Variants in RACGAP1 observed in about 807,000 individuals in gnomAD.
RACGAP1 encodes the protein Rac GTPase activating protein 1, also known as rac GTPase-activating protein 1.
Under a neutral mutation model 78.1 loss-of-function variants are expected in RACGAP1, and 30 were observed. The observed-to-expected ratio is 0.38, with a 90% confidence interval of 0.29 to 0.52. The LOEUF (loss-of-function observed/expected upper bound fraction) is 0.52. RACGAP1 is among the 20% of genes least tolerant of loss of function. RACGAP1 has a pLI of 0.82. For missense variants in RACGAP1, 587 were observed against 777.1 expected (o/e 0.76, Z 2.91); for synonymous variants, 231 against 264.8 (o/e 0.87, Z 1.24).
At chr12:50,031,666 G>A in intron 2 of RACGAP1, 1 of 984,904 alleles carries the variant, frequency 1.0e-6, no homozygotes, top group Non-Finnish European at 1.2e-6. Flanking sequence ...CGAACTTCCA[G>A]TGCCTCTTCA....
chr12:50,000,197 T>C (rs1477155760), intron 7 of RACGAP1, among the ~76,000 whole-genome samples: 1 of 151,848 alleles, frequency 6.6e-6, no homozygotes, highest in Admixed American at 6.6e-5. Flanking sequence ...GTATTTTTAG[T>C]AGAGATGGGG....
At chr12:50,030,115 T>C (rs1950318589), upstream of RACGAP1, among the ~76,000 whole-genome samples, 1 of 152,028 alleles carries the variant, frequency 6.6e-6, no homozygotes, top group African/African-American at 2.4e-5. Context: ...TACAAAAAAC[T>C]GAAAAATTAG....
chr12:50,011,231 G>A (rs948825558), intron 2 of RACGAP1, among the ~76,000 whole-genome samples: 3 of 151,882 alleles, frequency 2.0e-5, no homozygotes, highest in Non-Finnish European at 2.9e-5. Flanking sequence ...CTACTTGGGA[G>A]GCTGAGGCAG....
At chr12:49,992,858 C>A (rs1032377064) in intron 12 of RACGAP1, among the ~76,000 whole-genome samples, 2 of 152,174 alleles carry the variant, frequency 1.3e-5, no homozygotes, top group African/African-American at 4.8e-5. Flanking sequence ...TTTAAAAAAT[C>A]GGCCTTTGCA....
intron 9 of RACGAP1, 90 bp downstream of exon 9, chr12:49,999,051 T>C: frequency 7.1e-7 from 1 of 1,401,174 alleles, no homozygotes; most frequent in Non-Finnish European, 9.4e-7. Context: ...GACATTTAAC[T>C]TTATAACACT....
At chr12:50,032,152 AAATAATAAT>A in intron 1 of RACGAP1, among the ~76,000 whole-genome samples, 2 of 151,296 alleles carry the variant, frequency 1.3e-5, no homozygotes, top group East Asian at 1.9e-4. Context: ...TCTCAAAAAT[AAATAATAAT>A]AATAATAATA....
At chr12:49,997,778 A>G (rs968760985) in intron 9 of RACGAP1, among the ~76,000 whole-genome samples, 1 of 150,660 alleles carries the variant, frequency 6.6e-6, no homozygotes, top group African/African-American at 2.4e-5. Flanking sequence ...GGGTTTCTCC[A>G]TGTTGGTCAG....
chr12:49,999,722 G>A lies in RACGAP1; in HGVS notation c.642C>T (p.Ser214=), dbSNP rs1274397089. Residue 214 remains serine, a synonymous_variant, in exon 8 of 17, where the codon TCC becomes TCT. Coordinates refer to ENST00000312377, the MANE Select transcript of RACGAP1 (RefSeq NM_001319999.2). ...IGSAVDQGNE[S]IVAKTTVTVP... ...CAGTCACTGTAGTTTTTGCAACTAT[G>A]GATTCATTCCCCTGCAACAAAAGTA... 6.2e-7 allele frequency: 1 copy of A among 1,612,608 alleles called. No individual in the cohort carries two copies. Among genetic ancestry groups the A allele is most frequent in the Admixed American group, 1.7e-5 (1 of 60,014 alleles).
intron 1 of RACGAP1, among the ~76,000 whole-genome samples, chr12:50,024,012 T>G (rs1324812464): frequency 1.3e-5 from 2 of 151,756 alleles, no homozygotes; most frequent in Non-Finnish European, 2.9e-5. Flanking sequence ...ATACAAAAAA[T>G]TAGCCGGGCG....
chr12:50,010,714 T>C (rs557141624), intron 2 of RACGAP1, among the ~76,000 whole-genome samples: 5 of 151,222 alleles, frequency 3.3e-5, no homozygotes, highest in Admixed American at 3.3e-4. Context: ...AGGTGGATCA[T>C]CTGAGGTCGG....
At chr12:50,000,017 G>GCTTTTTTTTTT (rs1223931932) in intron 7 of RACGAP1, among the ~76,000 whole-genome samples, 1 of 3,786 alleles carries the variant, frequency 2.6e-4, no homozygotes. Context: ...ACACCTGACT[G>GCTTTTTTTTTT]ATTTTTTTTT....
chr12:50,020,841 A>AT (rs1949969537), intron 1 of RACGAP1, among the ~76,000 whole-genome samples: 1 of 152,174 alleles, frequency 6.6e-6, no homozygotes, highest in Non-Finnish European at 1.5e-5. Context: ...CTGAAGAGTT[A>AT]TTTTTTCCTC....
At chr12:50,028,666 G>A (rs1950302937), upstream of RACGAP1, among the ~76,000 whole-genome samples, 2 of 151,988 alleles carry the variant, frequency 1.3e-5, no homozygotes, top group African/African-American at 4.8e-5. Context: ...CAGCTACTTG[G>A]GAGGCTGAGG....
At chr12:50,030,676 G>A (rs55853170) in intron 2 of RACGAP1, among the ~76,000 whole-genome samples, 2,534 of 152,178 alleles carry the variant, frequency 0.017, 79 homozygotes, top group African/African-American at 0.058. Flanking sequence ...GCGACAGAGT[G>A]AAACTCTGTC....
At chr12:49,990,539 G>A in intron 16 of RACGAP1, 145 bp downstream of exon 16, 2 of 791,936 alleles carry the variant, frequency 2.5e-6, no homozygotes, top group Non-Finnish European at 4.0e-6. Context: ...TTTTAAAGAA[G>A]GAATCCTTAT....
intron 9 of RACGAP1, 57 bp from the exon 10 acceptor site, chr12:49,997,261 T>C (rs1429124320): frequency 1.1e-5 from 15 of 1,360,232 alleles, no homozygotes; most frequent in African/African-American, 4.5e-5. Flanking sequence ...ATTATCATCA[T>C]AATCAACTAA....
Position 50,001,233 on chromosome 12 carries a change from AACT to A in RACGAP1, c.566_568del (p.Gln189_Phe190delinsLeu). On this transcript the variant is annotated inframe_deletion, in exon 7 of 17. Transcript: ENST00000312377. The stretch of plus-strand genomic sequence containing the variant: ...TACAGGTCCAGGGGGACCATCAACA[AACT>A]GTCGGCTAGTAGAGCGCTAGAAAGG... The A allele has an allele frequency of 6.2e-7, 1 of 1,610,872 alleles. No homozygotes were observed. Among genetic ancestry groups the A allele is most frequent in the Non-Finnish European group, 8.5e-7 (1 of 1,177,106 alleles).
At chr12:49,999,349 G>A in intron 8 of RACGAP1, 78 bp from the exon 9 acceptor site, 1 of 1,503,036 alleles carries the variant, frequency 6.7e-7, no homozygotes, top group Non-Finnish European at 9.0e-7. Context: ...TTTTAACTGG[G>A]AGATAAACAG....
rs778590143 is a variant in RACGAP1 at position 50,001,164 on chromosome 12, A to C, written c.630+8T>G. 1 of 1,581,520 alleles carries C rather than the reference A, an allele frequency of 6.3e-7. No homozygotes were observed. Among genetic ancestry groups the C allele is most frequent in the South Asian group, 1.1e-5 (1 of 90,364 alleles). ...TAATCTCTGTTACCTTGGCCTGACT[A>C]TTCTTACCTGGTCTACTGCAGAGCC... is the stretch of plus-strand genomic sequence containing the variant. On this transcript the variant is annotated splice_region_variant and intron_variant, in intron 7 of 16. Transcript: ENST00000312377.
Sources: allele counts gnomAD v4.1 joint callset (sites outside exome capture counted in the v4.1 genomes callset), GRCh38; gene constraint gnomAD v4.1.1; transcripts MANE v1.5; gene names NCBI Gene and HGNC (gene_info 2026-07-23, HGNC 2026-07-21).